JAKMIP3: variants seen among roughly 807,000 people sequenced by gnomAD.
The protein encoded by JAKMIP3 is janus kinase and microtubule-interacting protein 3.
In JAKMIP3, 58 loss-of-function variants were observed where a neutral mutation model predicts 118.5. The ratio of observed to expected loss-of-function variants is 0.49; its 90% CI spans 0.40 to 0.61. JAKMIP3 has a LOEUF of 0.61. Ranked by LOEUF, JAKMIP3 falls within the 20% of genes least tolerant of loss-of-function variation. The pLI is 0.00. For synonymous variants in JAKMIP3, 486 were observed against 451.2 expected (o/e 1.08, Z -0.98); for missense variants, 950 against 1,109.0 (o/e 0.86, Z 2.04).
intron 1 of JAKMIP3, among the ~76,000 whole-genome samples, chr10:132,045,353 C>T (rs2037877697): frequency 6.6e-6 from 1 of 152,184 alleles, no homozygotes; most frequent in African/African-American, 2.4e-5. Context: ...GGGCGCGTCT[C>T]TGTCTCCCCG....
At chr10:132,133,842 C>A (rs977920783) in intron 4 of JAKMIP3, among the ~76,000 whole-genome samples, 3 of 152,244 alleles carry the variant, frequency 2.0e-5, no homozygotes, top group African/African-American at 7.2e-5. Context: ...CGGAGTCCGG[C>A]CCTGGGTTGG....
chr10:132,064,358 G>A (rs1333108276), upstream of JAKMIP3, among the ~76,000 whole-genome samples: 2 of 152,212 alleles, frequency 1.3e-5, no homozygotes, highest in Non-Finnish European at 2.9e-5. This position sits in a 1 kb window ranked among gnomAD's most constrained non-coding sequence, Gnocchi z 4.4. Flanking sequence ...GGCTGAGGGG[G>A]CACTGCCCTC....
chr10:132,078,624 G>GT lies in JAKMIP3; in HGVS notation c.-138+12563_-138+12564insT, dbSNP rs1491350533. On this transcript the variant is annotated intron_variant, in intron 1 of 23. Transcript: ENST00000684848. ...CCAGGGACCTTCTCTGGGGGCGGGG[G>GT]GGGGGGGGGGTCCCGTTTCTGGCCA... Among the ~76,000 whole-genome samples the GT allele has an allele frequency of 1.4e-4, 16 of 112,736 alleles. No individual in the cohort carries two copies. The South Asian group carries it at 4.2e-3, about 30-fold the overall frequency. 74.0% of individuals were successfully genotyped at this position (112,736 alleles called of 152,430 possible). A position where few individuals can be genotyped will look rare whatever the true frequency, so the allele number is the denominator to read the frequency against.
chr10:132,180,550 C>T (rs201409842), intron 23 of JAKMIP3, among the ~76,000 whole-genome samples: 2,113 of 6,306 alleles, frequency 0.34, 758 homozygotes, highest in African/African-American at 0.35. Flanking sequence ...TGTGTGCGTG[C>T]GTGCATGCGT....
chr10:132,180,781 G>GCA (rs1554963504), intron 23 of JAKMIP3, among the ~76,000 whole-genome samples: 2 of 70,918 alleles, frequency 2.8e-5, no homozygotes, highest in South Asian at 7.7e-4. Flanking sequence ...GTGTGTGTGT[G>GCA]TGCGCGTATG....
chr10:132,101,509 A>G (rs1009834869), intron 1 of JAKMIP3, among the ~76,000 whole-genome samples: 6 of 152,256 alleles, frequency 3.9e-5, no homozygotes, highest in South Asian at 4.1e-4. Flanking sequence ...AAACTGCTTC[A>G]TCTATTTTAA....
intron 21 of JAKMIP3, among the ~76,000 whole-genome samples, chr10:132,166,000 C>T (rs191445489): frequency 1.7e-4 from 26 of 152,332 alleles, no homozygotes; most frequent in Admixed American, 1.5e-3. Flanking sequence ...TGCATCTTAA[C>T]CTAAGGATAT....
chr10:132,116,291 C>CA (rs1465226540), intron 2 of JAKMIP3, among the ~76,000 whole-genome samples: 5 of 152,198 alleles, frequency 3.3e-5, no homozygotes, highest in African/African-American at 1.2e-4. Flanking sequence ...CAGTGATTTT[C>CA]AAAAAAATCT....
chr10:132,073,316 G>A (rs1411296400), intron 1 of JAKMIP3, among the ~76,000 whole-genome samples: 1 of 152,124 alleles, frequency 6.6e-6, no homozygotes, highest in East Asian at 1.9e-4. Flanking sequence ...CTCCTGAGTA[G>A]CTGGGACTAC....
At position 132,180,545 on chromosome 10, in the gene JAKMIP3, GCGTGCGTGCA is replaced by G. The variant is rs1217237374; in HGVS notation, c.*1104-1811_*1104-1802del. On this transcript the variant is annotated intron_variant, in intron 23 of 23. Coordinates refer to ENST00000684848, the MANE Select transcript of JAKMIP3 (RefSeq NM_001323087.2). ...GAACTGTGTGTGTGTGTGTGTGTGT[GCGTGCGTGCA>G]TGCGTGTGTGTGCGTGTGTGTGTGC... Among the ~76,000 whole-genome samples the G allele has an allele frequency of 3.0e-3, 86 of 28,260 alleles. 15 individuals carry two copies. Among genetic ancestry groups the G allele is most frequent in the African/African-American group, 0.014 (62 of 4,556 alleles). The allele number at this position is 28,260 out of a possible 152,430, so 18.5% of individuals were successfully genotyped here. A position where few individuals can be genotyped will look rare whatever the true frequency, so the allele number is the denominator to read the frequency against.
intron 1 of JAKMIP3, among the ~76,000 whole-genome samples, chr10:132,051,939 CATT>C (rs774618924): frequency 6.6e-6 from 1 of 152,246 alleles, no homozygotes; most frequent in Non-Finnish European, 1.5e-5. Flanking sequence ...ATATTTAAAA[CATT>C]ATCCCAGCCA....
chr10:132,139,257 T>A (rs111210360), intron 9 of JAKMIP3, among the ~76,000 whole-genome samples: 5,743 of 145,060 alleles, frequency 0.04, 727 homozygotes, highest in African/African-American at 0.096. Context: ...TGTATGTGTG[T>A]GTGTGTATGT....
rs183219093 is a variant in JAKMIP3, at chr10:132,071,495, G to A, written c.-138+5434G>A. 2.8e-3 allele frequency among the ~76,000 whole-genome samples: 428 copies of A among 152,252 alleles called. 1 individual carries two copies. Among genetic ancestry groups the A allele is most frequent in the Non-Finnish European group, 4.4e-3 (301 of 68,016 alleles). Reference sequence around the variant, plus strand: ...TCTCTTGCTGCTTTTTCAGTCCTAGGAAGTGAATATCCTTACCAATTTTCT... The same window carrying A: ...TCTCTTGCTGCTTTTTCAGTCCTAGAAAGTGAATATCCTTACCAATTTTCT... On this transcript the variant is annotated intron_variant, in intron 1 of 23. Coordinates refer to ENST00000684848, the MANE Select transcript of JAKMIP3 (RefSeq NM_001323087.2).
intron 1 of JAKMIP3, among the ~76,000 whole-genome samples, chr10:132,042,156 G>A (rs1361946455): frequency 1.6e-5 from 2 of 125,382 alleles, no homozygotes; most frequent in Non-Finnish European, 3.4e-5. Context: ...GTGAGCCACC[G>A]TGCCCCGCTA....
chr10:132,100,773 C>T (rs962972697), intron 1 of JAKMIP3, among the ~76,000 whole-genome samples: 7 of 152,062 alleles, frequency 4.6e-5, no homozygotes, highest in African/African-American at 1.4e-4. Context: ...ACTTGAAAGC[C>T]CCTTTCTCTC....
chr10:132,079,412 C>T (rs1197268430), intron 1 of JAKMIP3, among the ~76,000 whole-genome samples: 1 of 152,060 alleles, frequency 6.6e-6, no homozygotes, highest in African/African-American at 2.4e-5. Flanking sequence ...CACTGGAGGG[C>T]ATGCATTTTC....
intron 1 of JAKMIP3, among the ~76,000 whole-genome samples, chr10:132,039,353 A>G (rs919486149): frequency 5.3e-5 from 8 of 151,426 alleles, no homozygotes; most frequent in Admixed American, 5.3e-4. Flanking sequence ...ATCCCACACC[A>G]GGCCCCCGTC....
intron 23 of JAKMIP3, among the ~76,000 whole-genome samples, chr10:132,177,386 G>C (rs1565012630): frequency 6.6e-6 from 1 of 152,218 alleles, no homozygotes; most frequent in Non-Finnish European, 1.5e-5. Context: ...ACATGCCAGT[G>C]TGTGGGGGGA....
intron 16 of JAKMIP3, among the ~76,000 whole-genome samples, chr10:132,150,564 T>C (rs2055907845): frequency 6.6e-6 from 1 of 152,198 alleles, no homozygotes; most frequent in Admixed American, 6.5e-5. Context: ...TTATTCCCCA[T>C]CAATGCACCA....
Sources: gnomAD v4.1 joint callset for allele counts (sites outside exome capture counted in the v4.1 genomes callset) on GRCh38, gnomAD v4.1.1 for gene constraint, Gnocchi (gnomAD v3.1) non-coding constraint, MANE v1.5 for transcripts, NCBI Gene and HGNC (gene_info 2026-07-23, HGNC 2026-07-21) for gene names.